The following TBC1D2B variants were observed in gnomAD, a reference collection of about 807,000 sequenced individuals.
TBC1D2B encodes TBC1 domain family, member 2B.
In TBC1D2B, 64 loss-of-function variants were observed where a neutral mutation model predicts 100.8. The observed-to-expected ratio is 0.64, with a 90% CI of 0.52 to 0.78. TBC1D2B has a LOEUF of 0.78. Among genes scored for constraint, TBC1D2B ranks in the 30% least tolerant of loss-of-function variants. The pLI, the probability that TBC1D2B is intolerant of heterozygous loss-of-function variation, is 0.00. For synonymous variants in TBC1D2B, 480 were observed against 479.7 expected, an observed-to-expected ratio of 1.00 and a Z score of -0.01; for missense variants, 1,052 against 1,218.4, an observed-to-expected ratio of 0.86 and a Z score of 2.03.
rs141886056 is a variant in TBC1D2B, at chr15:78,024,291, C to A, written c.1335G>T (p.Glu445Asp). ...TGACCTCGTCCTTGGCTTGGATGGT[C>A]TCCATGAGCATTCCCAGCTGCTCGT... ...ELNEQLGMLM[E>D]TIQAKDEVII... Residue 445 changes from glutamate to aspartate, a missense_variant, in exon 6 of 13, where the codon GAG becomes GAT. Coordinates refer to ENST00000300584, the MANE Select transcript of TBC1D2B (RefSeq NM_144572.2). 4.3e-6 allele frequency: 7 copies of A among 1,613,936 alleles called. No individual in the cohort carries two copies. The highest frequency in any genetic ancestry group is 1.1e-5 in the South Asian group (1 of 91,094).
At chr15:78,007,280 C>T (rs2072092738) in intron 10 of TBC1D2B, among the ~76,000 whole-genome samples, 1 of 152,174 alleles carries the variant, frequency 6.6e-6, no homozygotes, top group Non-Finnish European at 1.5e-5. Flanking sequence ...AGACTGAATA[C>T]CTGAGTGAGA....
intron 10 of TBC1D2B, among the ~76,000 whole-genome samples, 152 bp downstream of exon 10, chr15:78,008,845 A>G (rs1340773636): frequency 6.6e-6 from 1 of 152,238 alleles, no homozygotes; most frequent in East Asian, 1.9e-4. Context: ...GACTGGGGAC[A>G]GCCTCTGAGA....
At chr15:78,053,494 T>C (rs1347192579) in intron 2 of TBC1D2B, among the ~76,000 whole-genome samples, 1 of 152,200 alleles carries the variant, frequency 6.6e-6, no homozygotes, top group Non-Finnish European at 1.5e-5. Context: ...GTTGTTCTGT[T>C]CTTTCTAGAG....
intron 2 of TBC1D2B, among the ~76,000 whole-genome samples, chr15:78,046,933 A>G (rs1200184813): frequency 3.9e-5 from 6 of 152,226 alleles, no homozygotes; most frequent in Non-Finnish European, 8.8e-5. Flanking sequence ...ATGGGCCTGC[A>G]CTGTGTAGGC....
chr15:78,044,021 T>C (rs1358509116), intron 3 of TBC1D2B, among the ~76,000 whole-genome samples: 1 of 106,572 alleles, frequency 9.4e-6, no homozygotes, highest in African/African-American at 3.0e-5. Flanking sequence ...CAAGACCTTA[T>C]CTTAAAAAAA....
intron 2 of TBC1D2B, among the ~76,000 whole-genome samples, chr15:78,048,522 G>C (rs2073246870): frequency 6.6e-6 from 1 of 152,220 alleles, no homozygotes; most frequent in African/African-American, 2.4e-5. Context: ...AAGAAAGTCT[G>C]TGCCTGACGG....
intron 2 of TBC1D2B, among the ~76,000 whole-genome samples, chr15:78,051,250 A>G (rs2073307112): frequency 1.3e-5 from 2 of 152,232 alleles, no homozygotes; most frequent in African/African-American, 2.4e-5. Context: ...TTTCAAAATG[A>G]TATCATCTCA....
chr15:78,052,782 A>C (rs1196445512), intron 2 of TBC1D2B, among the ~76,000 whole-genome samples: 1 of 152,212 alleles, frequency 6.6e-6, no homozygotes, highest in Non-Finnish European at 1.5e-5. Flanking sequence ...AAATGTTCCA[A>C]GTGACTGAGA....
intron 4 of TBC1D2B, among the ~76,000 whole-genome samples, chr15:78,027,419 C>T (rs975352881): frequency 5.3e-5 from 8 of 152,108 alleles, no homozygotes; most frequent in Non-Finnish European, 1.0e-4. Flanking sequence ...CTTAAAGATA[C>T]GGGAAAATAC....
chr15:78,041,407 C>T (rs1013787822), intron 3 of TBC1D2B, among the ~76,000 whole-genome samples: 2 of 152,186 alleles, frequency 1.3e-5, no homozygotes, highest in Non-Finnish European at 2.9e-5. Context: ...TGGTCTCATG[C>T]AGTCAGTCAG....
intron 1 of TBC1D2B, among the ~76,000 whole-genome samples, chr15:78,072,563 T>C (rs1422279624): frequency 2.0e-5 from 3 of 152,318 alleles, no homozygotes; most frequent in South Asian, 2.1e-4. Flanking sequence ...CCAGGGAATG[T>C]GCATTCCCAC....
At chr15:78,038,286 A>G (rs1488256483) in intron 3 of TBC1D2B, among the ~76,000 whole-genome samples, 1 of 152,194 alleles carries the variant, frequency 6.6e-6, no homozygotes, top group East Asian at 1.9e-4. Context: ...CAAGTACACA[A>G]AGAAATACAG....
chr15:78,041,492 T>C (rs1053221426), intron 3 of TBC1D2B, among the ~76,000 whole-genome samples: 3 of 152,240 alleles, frequency 2.0e-5, no homozygotes, highest in Non-Finnish European at 4.4e-5. Context: ...GTTTCAACTA[T>C]ACTGATAAAT....
intron 1 of TBC1D2B, among the ~76,000 whole-genome samples, chr15:78,067,066 T>C (rs1418523759): frequency 6.6e-6 from 1 of 152,240 alleles, no homozygotes; most frequent in African/African-American, 2.4e-5. Context: ...TTTCTACTAA[T>C]GGATTACGAC....
At chr15:78,047,251 T>G (rs1319244684) in intron 2 of TBC1D2B, among the ~76,000 whole-genome samples, 1 of 151,602 alleles carries the variant, frequency 6.6e-6, no homozygotes, top group Non-Finnish European at 1.5e-5. Context: ...TGCAGCCTCT[T>G]GAGTCAAGAG....
At chr15:78,015,487 T>C (rs1288638041) in intron 8 of TBC1D2B, among the ~76,000 whole-genome samples, 2 of 152,200 alleles carry the variant, frequency 1.3e-5, no homozygotes, top group African/African-American at 2.4e-5. Context: ...CGCTTTTGCA[T>C]GGGAAGAACA....
chr15:78,029,464 CTATAAA>C (rs1402863716), intron 4 of TBC1D2B, among the ~76,000 whole-genome samples: 1 of 152,138 alleles, frequency 6.6e-6, no homozygotes, highest in Non-Finnish European at 1.5e-5. Flanking sequence ...TTTATTGTAA[CTATAAA>C]TATAATAAAG....
chr15:78,040,082 C>T (rs924569170), intron 3 of TBC1D2B, among the ~76,000 whole-genome samples: 5 of 152,194 alleles, frequency 3.3e-5, no homozygotes, highest in East Asian at 1.9e-4. Flanking sequence ...TGAAAATACA[C>T]GCTCAACCGC....
In TBC1D2B at chr15:78,044,886, T is replaced by C. The variant is rs1268090756; in HGVS notation, c.683+14A>G. The C allele has an allele frequency of 6.9e-6, 11 of 1,586,968 alleles. No homozygotes were observed. The East Asian group carries it at 2.5e-4, about 36-fold the overall frequency. ...CCCATTTTCAATTTCATATGCTGCT[T>C]TCTAAAGACTCACTTGAGCTCATTG... On this transcript the variant is annotated intron_variant, in intron 3 of 12. Coordinates refer to ENST00000300584, the MANE Select transcript of TBC1D2B (RefSeq NM_144572.2).
Sources: allele counts gnomAD v4.1 joint callset (sites outside exome capture counted in the v4.1 genomes callset), GRCh38; gene constraint gnomAD v4.1.1; transcripts MANE v1.5; gene names NCBI Gene and HGNC (gene_info 2026-07-23, HGNC 2026-07-21).